Variants in LRRC43 observed in about 807,000 individuals in gnomAD.
LRRC43 encodes the protein leucine rich repeat containing 43.
In LRRC43, 62 loss-of-function variants were observed where a neutral mutation model predicts 64.3. The observed-to-expected ratio is 0.96, with a 90% CI of 0.79 to 1.19. The LOEUF is 1.19. Ranked by LOEUF, LRRC43 falls within the 50% of genes most tolerant of loss-of-function variation. The probability of loss-of-function intolerance (pLI) is 0.00; values close to 1 mark genes in which losing one functional copy is unlikely to be tolerated. For missense variants in LRRC43, 868 were observed against 845.0 expected (o/e 1.03, Z -0.34); for synonymous variants, 422 against 382.3 (o/e 1.10, Z -1.21).
intron 2 of LRRC43, among the ~76,000 whole-genome samples, chr12:122,185,807 T>G (rs899517671): frequency 1.3e-5 from 2 of 152,222 alleles, no homozygotes; most frequent in African/African-American, 2.4e-5. Flanking sequence ...GATGGGTCAC[T>G]GCAGCTTCTG....
intron 3 of LRRC43, 94 bp from the exon 4 acceptor site, chr12:122,187,607 C>T (rs1490697640): frequency 1.7e-6 from 2 of 1,167,078 alleles, no homozygotes; most frequent in Non-Finnish European, 2.4e-6. Flanking sequence ...GTTTGTGATT[C>T]CTCTACTAAG....
At chr12:122,168,441 CAAA>C (rs557937624) in intron 1 of LRRC43, among the ~76,000 whole-genome samples, 2 of 120,878 alleles carry the variant, frequency 1.7e-5, no homozygotes, top group African/African-American at 3.1e-5. Context: ...AACTCTGTCT[CAAA>C]AAAAAAAAAA....
intron 5 of LRRC43, among the ~76,000 whole-genome samples, chr12:122,190,977 T>C (rs78200139): frequency 0.016 from 2,433 of 151,958 alleles, 77 homozygotes; most frequent in African/African-American, 0.055. Context: ...CTAAAAAAAA[T>C]AAAAAGTCAA....
upstream of LRRC43, among the ~76,000 whole-genome samples, chr12:122,179,968 TCA>T (rs1953567990): frequency 1.1e-5 from 1 of 86,972 alleles, no homozygotes. Context: ...AGACTCCGTC[TCA>T]AAAAAAAAAA....
At chr12:122,185,456 G>C (rs1363940748) in intron 2 of LRRC43, among the ~76,000 whole-genome samples, 1 of 152,210 alleles carries the variant, frequency 6.6e-6, no homozygotes, top group East Asian at 1.9e-4. Context: ...CTGGGTGACA[G>C]AATGAGACCC....
rs748002767 is a variant in LRRC43, at chr12:122,203,355, C to G, written c.1884C>G (p.Tyr628Ter). 6.2e-7 allele frequency: 1 copy of G among 1,613,344 alleles called. No homozygotes were observed. Among genetic ancestry groups the G allele is most frequent in the Non-Finnish European group, 8.5e-7 (1 of 1,179,980 alleles). The change falls in exon 12 of 12, where the codon TAC becomes TAG. Residue 628 changes from tyrosine (Y) to a stop codon, truncating the protein, a stop_gained. Coordinates refer to ENST00000339777, the MANE Select transcript of LRRC43 (RefSeq NM_001098519.2). LOFTEE classifies it low-confidence loss of function (END_TRUNC). The part of the protein sequence containing the change: ...KAVIPIYEGD[Y>*]HPEPLTVEVQ... ...TGATTCCGATCTACGAAGGCGATTA[C>G]CACCCTGAGCCCCTGACCGTAGAGG...
rs1389032791 is a variant in LRRC43, at chr12:122,201,178, G to A, written c.1810-118G>A. 4 of 1,146,046 alleles carry A rather than the reference G, an allele frequency of 3.5e-6. No individual in the cohort carries two copies. In the African/African-American group the frequency reaches 6.1e-5, roughly 18 times the overall value. 71.0% of individuals were successfully genotyped at this position (1,146,046 alleles called of 1,614,324 possible). A position where few individuals can be genotyped will look rare whatever the true frequency, so the allele number is the denominator to read the frequency against. On this transcript the variant is annotated intron_variant, in intron 10 of 11. Transcript: ENST00000339777. ...GGGCTGGGGCAGCCACCCTCACCAG[G>A]AGACCCCCGCCTTCCTGGACCTGTC...
intron 11 of LRRC43, among the ~76,000 whole-genome samples, chr12:122,201,809 A>AT (rs1953842542): frequency 6.6e-6 from 1 of 152,210 alleles, no homozygotes; most frequent in Admixed American, 6.5e-5. Flanking sequence ...AGGCCCGATC[A>AT]TAGCAGAGCA....
chr12:122,200,821 G>T lies in LRRC43; in HGVS notation c.1696G>T (p.Gly566Cys), dbSNP rs1286979349. 3 of 1,613,180 alleles carry T rather than the reference G, an allele frequency of 1.9e-6. No homozygotes were observed. Among genetic ancestry groups the T allele is most frequent in the Non-Finnish European group, 2.5e-6 (3 of 1,180,008 alleles). ...RQDPPILQVLGRGLVILEPLL... is the reference protein window; with the variant it reads ...RQDPPILQVLCRGLVILEPLL... ...GGACCCCCCCATCCTCCAGGTGCTG[G>T]GCCGGGGCCTGGTGATCCTGGAGCC... The change falls in exon 10 of 12, where the codon GGC becomes TGC. Residue 566 changes from glycine (G) to cysteine (C), a missense_variant. By Grantham distance (159) the Gly-to-Cys change is radical. Coordinates refer to ENST00000339777, the MANE Select transcript of LRRC43 (RefSeq NM_001098519.2). This position sits in a 1 kb window ranked among gnomAD's most constrained non-coding sequence, Gnocchi z 4.6.
intron 2 of LRRC43, among the ~76,000 whole-genome samples, chr12:122,185,204 C>T (rs1953629883): frequency 6.6e-6 from 1 of 152,192 alleles, no homozygotes; most frequent in South Asian, 2.1e-4. Flanking sequence ...GGCATGGTGG[C>T]TCTCTGGTGC....
chr12:122,203,454 T>G lies in LRRC43; in HGVS notation c.*12T>G, dbSNP rs1953869801. 6.2e-7 allele frequency: 1 copy of G among 1,604,052 alleles called. No individual in the cohort carries two copies. Among genetic ancestry groups the G allele is most frequent in the Admixed American group, 1.7e-5 (1 of 59,690 alleles). ...TGTTCGCCGTGTAGGGCGTGGGCAG[T>G]AAAGGCTGTTCCCAGCACTCCCGCC... is the stretch of plus-strand genomic sequence containing the variant. On this transcript the variant is annotated 3_prime_UTR_variant, in exon 12 of 12. Coordinates refer to ENST00000339777, the MANE Select transcript of LRRC43 (RefSeq NM_001098519.2).
At chr12:122,201,790 A>G (rs1953842275) in intron 11 of LRRC43, among the ~76,000 whole-genome samples, 1 of 152,194 alleles carries the variant, frequency 6.6e-6, no homozygotes, top group Admixed American at 6.5e-5. Flanking sequence ...GGTGGCTGCA[A>G]AAAGCATGAG....
chr12:122,187,498 A>G lies in LRRC43; in HGVS notation c.523-203A>G, dbSNP rs923742999. The G allele has an allele frequency of 1.3e-5, 7 of 538,670 alleles. No homozygotes were observed. The African/African-American group carries it at 1.3e-4, about 10-fold the overall frequency. The allele number at this position is 538,670 out of a possible 1,614,324, so 33.4% of individuals were successfully genotyped here. On this transcript the variant is annotated intron_variant, in intron 3 of 11. Transcript: ENST00000339777. ...TTCCAGATGTTGAAGTGTCTTTCAC[A>G]AAAGGAAAAGAAACTTCCCAAGACC...
intron 11 of LRRC43, chr12:122,202,353 G>C (rs1953851602): frequency 6.6e-6 from 1 of 152,046 alleles, no homozygotes; most frequent in Non-Finnish European, 1.5e-5. Flanking sequence ...TTGGAAAAGA[G>C]GGAGTATTTT....
chr12:122,195,376 G>T (rs920101483), intron 7 of LRRC43, among the ~76,000 whole-genome samples: 1 of 151,908 alleles, frequency 6.6e-6, no homozygotes, highest in East Asian at 1.9e-4. Context: ...AGCCTCCCAA[G>T]TAGCTGGGAT....
chr12:122,191,299 C>T (rs1290434425), intron 5 of LRRC43, 81 bp from the exon 6 acceptor site: 10 of 1,223,588 alleles, frequency 8.2e-6, no homozygotes, highest in Admixed American at 7.5e-5. Context: ...TCTAGGGACC[C>T]GTGCCTTCCC....
Position 122,184,602 on chromosome 12 carries a change from G to A in LRRC43, c.234G>A (p.Glu78=), listed in dbSNP as rs779830177. Residue 78 remains glutamate, a synonymous_variant, in exon 2 of 12, where the codon GAG becomes GAA. Transcript: ENST00000339777. The surrounding 1 kb of genome is among the most constrained non-coding windows in gnomAD (Gnocchi z 4.0). The part of the protein sequence containing the change: ...PREEDVVSPG[E]ETVEALLGLV... ...AGGAGGATGTGGTGAGCCCCGGAGAGGAGACGGTGGAGGCCCTGCTGGGCC... is the reference window on the plus strand; with the variant it reads ...AGGAGGATGTGGTGAGCCCCGGAGAAGAGACGGTGGAGGCCCTGCTGGGCC... 37 of 1,613,866 alleles carry A rather than the reference G, an allele frequency of 2.3e-5. No homozygotes were observed. In the African/African-American group the frequency reaches 4.0e-4, roughly 17 times the overall value.
In LRRC43 at chr12:122,193,211, T is replaced by C. The variant is rs556175035; in HGVS notation, c.1349+207T>C. Among the ~76,000 whole-genome samples, 149 of 151,700 alleles carry C rather than the reference T, an allele frequency of 9.8e-4. 2 individuals are homozygous for C. Among genetic ancestry groups the C allele is most frequent in the African/African-American group, 3.0e-3 (126 of 41,360 alleles). On this transcript the variant is annotated intron_variant, in intron 7 of 11. Transcript: ENST00000339777. Reference sequence around the variant, plus strand: ...CTGGCTAACATGGTGAAACCCCGTCTCTACTAAAAATACGAAAAAATTAGC... The same window carrying C: ...CTGGCTAACATGGTGAAACCCCGTCCCTACTAAAAATACGAAAAAATTAGC...
intron 7 of LRRC43, among the ~76,000 whole-genome samples, chr12:122,193,366 C>A (rs567513067): frequency 3.4e-5 from 4 of 119,274 alleles, no homozygotes; most frequent in Non-Finnish European, 4.8e-5. Context: ...GGCGACAGAG[C>A]GAGACTCCGT....
Sources: gnomAD v4.1 joint callset for allele counts (sites outside exome capture counted in the v4.1 genomes callset) on GRCh38, gnomAD v4.1.1 for gene constraint, Gnocchi (gnomAD v3.1) non-coding constraint, MANE v1.5 for transcripts, NCBI Gene and HGNC (gene_info 2026-07-23, HGNC 2026-07-21) for gene names.